Variants in CARS2 observed in about 807,000 individuals in gnomAD.
The protein encoded by CARS2 is cysteinyl-tRNA synthetase 2, mitochondrial.
Under a neutral mutation model 68.8 loss-of-function variants are expected in CARS2, and 52 were observed. That is an observed-to-expected ratio of 0.76 (90% CI 0.61 to 0.95). The LOEUF (loss-of-function observed/expected upper bound fraction) is 0.95, where lower values mean the gene tolerates loss of function less well. Ranked by LOEUF, CARS2 falls within the 40% of genes least tolerant of loss-of-function variation. The pLI is 0.00. For synonymous variants in CARS2, 314 were observed against 303.6 expected (o/e 1.03, Z -0.36); for missense variants, 780 against 754.2 (o/e 1.03, Z -0.40).
At chr13:110,695,578 C>G (rs147708473) in intron 3 of CARS2, among the ~76,000 whole-genome samples, 72 of 152,244 alleles carry the variant, frequency 4.7e-4, no homozygotes, top group Non-Finnish European at 7.6e-4. Flanking sequence ...AAGGAAGGAA[C>G]TTCCGGCACA....
intron 7 of CARS2, among the ~76,000 whole-genome samples, chr13:110,675,550 G>A (rs995224045): frequency 6.6e-6 from 1 of 152,096 alleles, no homozygotes; most frequent in Non-Finnish European, 1.5e-5. Flanking sequence ...ACACACCAGG[G>A]CCTGTCATGG....
chr13:110,645,978 C>T lies in CARS2; in HGVS notation c.1306G>A (p.Ala436Thr). The change falls in exon 12 of 15, where the codon GCG becomes ACG. Residue 436 changes from alanine to threonine, a missense_variant. Transcript: ENST00000257347. ...GTTCGTTGAGCTACCTTCAGGGACG[C>T]CCTGAGCTGTCCATTCCCGTGGTGT... ...LAHHGNGQLR[A>T]SLKEPEGPRS... 2 of 1,613,630 alleles carry T rather than the reference C, an allele frequency of 1.2e-6. No homozygotes were observed. Among genetic ancestry groups the T allele is most frequent in the African/African-American group, 1.3e-5 (1 of 75,026 alleles).
At position 110,705,596 on chromosome 13, in the gene CARS2, G is replaced by A. The variant is rs1389628952; in HGVS notation, c.225-25C>T. 1 of 1,600,206 alleles carries A rather than the reference G, an allele frequency of 6.2e-7. No individual in the cohort carries two copies. The highest frequency in any genetic ancestry group is 2.2e-5 in the East Asian group (1 of 44,846). Reference sequence around the variant, plus strand: ...CCTGGAAACAAAGTTAAAATCCATCGTGTGGAACATATTTGCAAGAAAGGA... The same window carrying A: ...CCTGGAAACAAAGTTAAAATCCATCATGTGGAACATATTTGCAAGAAAGGA... On this transcript the variant is annotated intron_variant, in intron 1 of 14. Transcript: ENST00000257347. The surrounding 1 kb of genome is among the most constrained non-coding windows in gnomAD (Gnocchi z 4.0).
At chr13:110,672,275 C>T (rs1313374166) in intron 7 of CARS2, among the ~76,000 whole-genome samples, 1 of 152,190 alleles carries the variant, frequency 6.6e-6, no homozygotes, top group Admixed American at 6.5e-5. Flanking sequence ...CTTCTCAGCA[C>T]CACATCGCAC....
chr13:110,705,891 G>A lies in CARS2; in HGVS notation c.203C>T (p.Ala68Val). The change falls in exon 1 of 15, where the codon GCG (alanine) becomes GTG (valine). Residue 68 changes from alanine to valine, a missense_variant. Physicochemically the swap from Ala to Val is moderately conservative, Grantham distance 64. Transcript: ENST00000257347. This position sits in a 1 kb window ranked among gnomAD's most constrained non-coding sequence, Gnocchi z 4.0. ...CCACCAGGAGGCGGCTTCGGCGTGCGCCACGATTAGGGGTTCCTTCCTCCC... is the reference window on the plus strand; with the variant it reads ...CCACCAGGAGGCGGCTTCGGCGTGCACCACGATTAGGGGTTCCTTCCTCCC... ...LTGRKEPLIVAHAEAASWYSC... is the reference protein window; with the variant it reads ...LTGRKEPLIVVHAEAASWYSC... The A allele has an allele frequency of 6.4e-7, 1 of 1,569,120 alleles. No individual in the cohort carries two copies.
At position 110,644,300 on chromosome 13, in the gene CARS2, C is replaced by T. The variant is rs534760984; in HGVS notation, c.1416+85G>A. 2.3e-5 allele frequency: 32 copies of T among 1,411,292 alleles called. No individual in the cohort carries two copies. In the South Asian group the frequency reaches 2.7e-4, roughly 12 times the overall value. The allele number at this position is 1,411,292 out of a possible 1,614,324, so 87.4% of individuals were successfully genotyped here. A position where few individuals can be genotyped will look rare whatever the true frequency, so the allele number is the denominator to read the frequency against. On this transcript the variant is annotated intron_variant, in intron 13 of 14. Transcript: ENST00000257347. ...AATACATTAGTGTGGCATCATAATGCTCTATTCCAAGTTAAAAGGGTAAAG... is the reference window on the plus strand; with the variant it reads ...AATACATTAGTGTGGCATCATAATGTTCTATTCCAAGTTAAAAGGGTAAAG...
chr13:110,664,044 C>A (rs1390351240), intron 8 of CARS2: 1 of 985,018 alleles, frequency 1.0e-6, no homozygotes, highest in Non-Finnish European at 1.2e-6. Context: ...ATTATTTCAT[C>A]CCCTATGTAT....
At chr13:110,663,013 A>G (rs1279365527) in intron 9 of CARS2, 4 of 458,382 alleles carry the variant, frequency 8.7e-6, no homozygotes, top group South Asian at 6.2e-5. Flanking sequence ...GCATGATGCC[A>G]TTTTTCAGGT....
intron 1 of CARS2, chr13:110,713,003 C>G (rs202081363): frequency 6.5e-7 from 1 of 1,541,520 alleles, no homozygotes; most frequent in Non-Finnish European, 8.7e-7. Context: ...ACTCTGCGGC[C>G]GCAGCTCAAA....
intron 3 of CARS2, among the ~76,000 whole-genome samples, chr13:110,692,399 A>C (rs1036517484): frequency 1.8e-4 from 28 of 151,466 alleles, no homozygotes; most frequent in African/African-American, 6.8e-4. Flanking sequence ...TGAACCCGGG[A>C]GGCGGAGGTT....
intron 13 of CARS2, 149 bp from the exon 14 acceptor site, chr13:110,642,670 G>GGGAT: frequency 1.2e-6 from 1 of 825,344 alleles, no homozygotes; most frequent in Non-Finnish European, 2.2e-6. Flanking sequence ...GGGTCTGGCA[G>GGGAT]GGATGGGTAC....
intron 6 of CARS2, among the ~76,000 whole-genome samples, chr13:110,680,527 C>T (rs962967102): frequency 6.6e-6 from 1 of 152,206 alleles, no homozygotes; most frequent in Admixed American, 6.5e-5. Flanking sequence ...CACACAGAGG[C>T]AGAGCCCTTA....
At chr13:110,654,959 AAAAAAAGG>A (rs2062328426) in intron 9 of CARS2, among the ~76,000 whole-genome samples, 1 of 151,610 alleles carries the variant, frequency 6.6e-6, no homozygotes, top group African/African-American at 2.4e-5. Context: ...AAAGAAAAAG[AAAAAAAGG>A]AAAAAAGGTA....
At chr13:110,666,092 C>T in intron 8 of CARS2, 1 of 985,342 alleles carries the variant, frequency 1.0e-6, no homozygotes, top group Non-Finnish European at 1.2e-6. Context: ...AGTCCTTGGG[C>T]CACGGAAGAG....
Position 110,660,763 on chromosome 13 carries a change from C to CTTTT in CARS2, c.987+2684_987+2687dup, listed in dbSNP as rs201474441. 1.4e-4 allele frequency among the ~76,000 whole-genome samples: 18 copies of CTTTT among 132,848 alleles called. 1 individual carries two copies. The highest frequency in any genetic ancestry group is 2.2e-4 in the East Asian group (1 of 4,528). The allele number at this position is 132,848 out of a possible 152,430, so 87.2% of individuals were successfully genotyped here. On this transcript the variant is annotated intron_variant, in intron 9 of 14. Coordinates refer to ENST00000257347, the MANE Select transcript of CARS2 (RefSeq NM_024537.4). ...CAGGGAGAGTACACTTAGCATAATT[C>CTTTT]TTTTTTTTTTTTTTTTTTGAGATGG...
chr13:110,642,893 C>T lies in CARS2; in HGVS notation c.1417-372G>A, dbSNP rs537508300. 119 of 463,764 alleles carry T rather than the reference C, an allele frequency of 2.6e-4. 2 individuals are homozygous for T. Among genetic ancestry groups the T allele is most frequent in the South Asian group, 2.1e-3 (112 of 53,750 alleles). 28.7% of individuals were successfully genotyped at this position (463,764 alleles called of 1,614,324 possible). ...ACCTGAGGATGAGGCTGGGGGGCAGCGACTGAGCGCTTGCACACGTGTGTT... is the reference window on the plus strand; with the variant it reads ...ACCTGAGGATGAGGCTGGGGGGCAGTGACTGAGCGCTTGCACACGTGTGTT... On this transcript the variant is annotated intron_variant, in intron 13 of 14. Coordinates refer to ENST00000257347, the MANE Select transcript of CARS2 (RefSeq NM_024537.4).
intron 9 of CARS2, among the ~76,000 whole-genome samples, chr13:110,657,287 C>T (rs1377548242): frequency 2.0e-5 from 3 of 152,200 alleles, no homozygotes; most frequent in Non-Finnish European, 4.4e-5. Flanking sequence ...AGCTCTGACC[C>T]CTGAAAAAGC....
At chr13:110,679,593 AAGAAAGAG>A (rs775753347) in intron 6 of CARS2, among the ~76,000 whole-genome samples, 9,020 of 27,776 alleles carry the variant, frequency 0.32, 391 homozygotes, top group Non-Finnish European at 0.46. Flanking sequence ...GAAAGAAAGA[AAGAAAGAG>A]AGAGAGAGAG....
chr13:110,703,120 A>T (rs1329621824), intron 2 of CARS2, among the ~76,000 whole-genome samples: 1 of 151,992 alleles, frequency 6.6e-6, no homozygotes, highest in Non-Finnish European at 1.5e-5. Flanking sequence ...GTTTTCCCCA[A>T]ACAGGGTTTC....
Sources: allele counts gnomAD v4.1 joint callset (sites outside exome capture counted in the v4.1 genomes callset), GRCh38; gene constraint gnomAD v4.1.1; non-coding constraint Gnocchi (gnomAD v3.1); transcripts MANE v1.5; gene names NCBI Gene and HGNC (gene_info 2026-07-23, HGNC 2026-07-21).